Variants in LRRC37A2 observed in about 807,000 individuals in gnomAD.
LRRC37A2 encodes leucine rich repeat containing 37 member A2.
A neutral mutation model predicts 68.8 loss-of-function variants in LRRC37A2; 9 were observed. The ratio of observed to expected loss-of-function variants is 0.13; its 90% CI spans 0.08 to 0.23. The LOEUF (loss-of-function observed/expected upper bound fraction) is 0.23. Ranked by LOEUF, LRRC37A2 falls within the 10% of genes least tolerant of loss-of-function variation. The probability of loss-of-function intolerance (pLI) is 1.00; values close to 1 mark genes in which losing one functional copy is unlikely to be tolerated. For missense variants in LRRC37A2, 168 were observed against 950.4 expected (o/e 0.18, Z 10.82); for synonymous variants, 63 against 367.6 (o/e 0.17, Z 9.48).
the LRRC37A2 span, among the ~76,000 whole-genome samples, chr17:46,718,476 A>G: frequency 6.6e-6 from 1 of 152,252 alleles, no homozygotes; most frequent in African/African-American, 2.4e-5. Context: ...TTGTATCAAA[A>G]TGGTGCATGT....
chr17:46,734,649 T>C, the LRRC37A2 span, among the ~76,000 whole-genome samples: 2 of 152,192 alleles, frequency 1.3e-5, no homozygotes, highest in Non-Finnish European at 2.9e-5. Flanking sequence ...AGTGATCAAC[T>C]AAGATAATGC....
At chr17:46,929,648 T>G in the LRRC37A2 span, 1 of 832,692 alleles carries the variant, frequency 1.2e-6, no homozygotes, top group Non-Finnish European at 2.1e-6. Context: ...TGGGCTGGGC[T>G]TCCTGACTGC....
chr17:46,819,617 C>T, the LRRC37A2 span, among the ~76,000 whole-genome samples: 1 of 152,154 alleles, frequency 6.6e-6, no homozygotes, highest in Non-Finnish European at 1.5e-5. The surrounding 1 kb of genome is among the most constrained non-coding windows in gnomAD (Gnocchi z 5.3). Flanking sequence ...TTGCTGCCCT[C>T]CGGAGCGCCC....
At chr17:46,462,291 AT>A in the LRRC37A2 span, among the ~76,000 whole-genome samples, 2 of 64,816 alleles carry the variant, frequency 3.1e-5, no homozygotes, top group Admixed American at 3.1e-4. Context: ...AATTCTAAAC[AT>A]TTTTGAAAAT....
At chr17:46,895,580 G>A in the LRRC37A2 span, among the ~76,000 whole-genome samples, 1 of 152,146 alleles carries the variant, frequency 6.6e-6, no homozygotes, top group South Asian at 2.1e-4. Context: ...CTCTCAATAG[G>A]CCTCTAGATA....
At chr17:46,952,959 T>G in the LRRC37A2 span, 1 of 152,204 alleles carries the variant, frequency 6.6e-6, no homozygotes, top group Non-Finnish European at 1.5e-5. Flanking sequence ...AGATGCTCGA[T>G]GCAAAGCTGG....
At chr17:46,735,756 C>T in the LRRC37A2 span, among the ~76,000 whole-genome samples, 1 of 152,054 alleles carries the variant, frequency 6.6e-6, no homozygotes, top group Non-Finnish European at 1.5e-5. Context: ...ACCAGCATGG[C>T]CAACATAGTG....
the LRRC37A2 span, chr17:46,755,462 T>G: frequency 9.3e-7 from 1 of 1,080,834 alleles, no homozygotes; most frequent in Non-Finnish European, 1.4e-6. Context: ...CTAGATAAGT[T>G]TGTTTCCATT....
the LRRC37A2 span, chr17:46,831,296 C>T: frequency 2.0e-5 from 3 of 152,214 alleles, no homozygotes; most frequent in Non-Finnish European, 2.9e-5. Context: ...GAATTGCACC[C>T]GGAAGCCACC....
chr17:46,755,509 C>A, the LRRC37A2 span: 5 of 793,534 alleles, frequency 6.3e-6, no homozygotes, highest in Admixed American at 6.6e-5. Flanking sequence ...GTCCGAGAGA[C>A]CAAGCAAGGA....
chr17:46,975,451 C>G, the LRRC37A2 span: 1 of 152,442 alleles, frequency 6.6e-6, no homozygotes, highest in Non-Finnish European at 1.5e-5. Flanking sequence ...CCCTGGAGCA[C>G]TGTTCCTCAT....
the LRRC37A2 span, among the ~76,000 whole-genome samples, chr17:46,893,166 T>A: frequency 5.3e-5 from 8 of 152,114 alleles, no homozygotes; most frequent in African/African-American, 1.9e-4. Flanking sequence ...ACTTCTGACA[T>A]CAAGTGATCC....
At chr17:46,946,282 CAA>C in the LRRC37A2 span, among the ~76,000 whole-genome samples, 176 of 126,680 alleles carry the variant, frequency 1.4e-3, 2 homozygotes, top group East Asian at 0.021. Flanking sequence ...CTAAAAATAC[CAA>C]AAAAAAAAAA....
the LRRC37A2 span, among the ~76,000 whole-genome samples, chr17:46,709,226 TATAAA>T: frequency 6.6e-6 from 1 of 152,100 alleles, no homozygotes; most frequent in Non-Finnish European, 1.5e-5. Context: ...GACTTTTAAA[TATAAA>T]ATAATCATTT....
At chr17:47,023,039 T>A in the LRRC37A2 span, among the ~76,000 whole-genome samples, 1 of 152,272 alleles carries the variant, frequency 6.6e-6, no homozygotes, top group African/African-American at 2.4e-5. Flanking sequence ...ACAGCATTCA[T>A]TTCCCGACAC....
chr17:46,865,063 G>T, the LRRC37A2 span, among the ~76,000 whole-genome samples: 19 of 152,206 alleles, frequency 1.2e-4, no homozygotes, highest in Non-Finnish European at 2.5e-4. Flanking sequence ...TGACTTTGGG[G>T]ACCCTCCGCA....
chr17:46,922,546 G>A, the LRRC37A2 span, among the ~76,000 whole-genome samples: 1 of 152,124 alleles, frequency 6.6e-6, no homozygotes, highest in Non-Finnish European at 1.5e-5. Context: ...TTTGTCTTTT[G>A]AGAGTATACA....
the LRRC37A2 span, among the ~76,000 whole-genome samples, chr17:46,998,480 C>T: frequency 5.9e-5 from 9 of 152,304 alleles, no homozygotes; most frequent in African/African-American, 1.7e-4. Flanking sequence ...CACCACCATG[C>T]GTCCACAAGA....
At chr17:46,764,875 T>C in the LRRC37A2 span, among the ~76,000 whole-genome samples, 1 of 152,184 alleles carries the variant, frequency 6.6e-6, no homozygotes, top group Non-Finnish European at 1.5e-5. Context: ...CCCCCACCTC[T>C]AGCTGAGGGC....
Sources: allele counts gnomAD v4.1 joint callset (sites outside exome capture counted in the v4.1 genomes callset), GRCh38; gene constraint gnomAD v4.1.1; non-coding constraint Gnocchi (gnomAD v3.1); transcripts MANE v1.5; gene names NCBI Gene and HGNC (gene_info 2026-07-23, HGNC 2026-07-21).